Variants in CDH7 observed in about 807,000 individuals in gnomAD.
CDH7 encodes cadherin-7.
CDH7 carries 25 observed loss-of-function variants against 71.8 expected under a neutral mutation model. The ratio of observed to expected loss-of-function variants is 0.35; its 90% CI spans 0.25 to 0.49. The LOEUF is 0.49. CDH7 is among the 20% of genes least tolerant of loss of function. CDH7 has a pLI of 0.99. For synonymous variants in CDH7, 381 were observed against 363.8 expected (o/e 1.05, Z -0.54); for missense variants, 862 against 974.6 (o/e 0.88, Z 1.54).
At chr18:65,811,508 A>T (rs149411336) in intron 3 of CDH7, among the ~76,000 whole-genome samples, 7 of 152,264 alleles carry the variant, frequency 4.6e-5, no homozygotes, top group African/African-American at 1.2e-4. Context: ...GTGACCAAAC[A>T]GGTGTATTCA....
At chr18:65,834,447 G>A (rs1239109087) in intron 6 of CDH7, among the ~76,000 whole-genome samples, 1 of 152,156 alleles carries the variant, frequency 6.6e-6, no homozygotes, top group Non-Finnish European at 1.5e-5. Context: ...TGAAAAGAAG[G>A]CTTTAGACAT....
At chr18:65,867,772 C>T (rs1325293072) in intron 11 of CDH7, among the ~76,000 whole-genome samples, 1 of 152,144 alleles carries the variant, frequency 6.6e-6, no homozygotes, top group East Asian at 1.9e-4. Flanking sequence ...CAGCTCTTTG[C>T]TCTTCTGACA....
chr18:65,818,963 A>T (rs12457750), intron 4 of CDH7, among the ~76,000 whole-genome samples: 92,262 of 151,828 alleles, frequency 0.61, 29,548 homozygotes, highest in East Asian at 0.96. Context: ...GGTAGGAGAG[A>T]CCAGCAGGAC....
chr18:65,858,986 C>A lies in CDH7; in HGVS notation c.1434C>A (p.Asn478Lys). 6.2e-7 allele frequency: 1 copy of A among 1,612,536 alleles called. No homozygotes were observed. The highest frequency in any genetic ancestry group is 8.5e-7 in the Non-Finnish European group (1 of 1,178,702). ...VAITILDIND[N>K]APEFAMDYET... is the part of the protein sequence containing the mutation. ...TCACTATACTTGACATCAATGATAA[C>A]GCCCCTGAATTTGCCATGGACTATG... The change falls in exon 9 of 12, where the codon AAC becomes AAA. Residue 478 changes from asparagine (N) to lysine (K), a missense_variant. Transcript: ENST00000397968.
chr18:65,760,080 C>T (rs1329092022), intron 1 of CDH7, among the ~76,000 whole-genome samples: 1 of 152,102 alleles, frequency 6.6e-6, no homozygotes, highest in Admixed American at 6.5e-5. Flanking sequence ...CCAATGAAAA[C>T]TAACATCAAC....
At position 65,762,876 on chromosome 18, in the gene CDH7, C is replaced by T. The variant is rs1288030906; in HGVS notation, c.34C>T (p.Leu12=). The change falls in exon 2 of 12, where the codon CTG becomes TTG. Residue 12 remains leucine, a synonymous_variant. Coordinates refer to ENST00000397968, the MANE Select transcript of CDH7 (RefSeq NM_004361.5). The part of the protein sequence containing the change: ...KLGKVEFCHF[L]QLIALFLCFS... ...GGGCAAAGTGGAGTTCTGCCATTTTCTGCAGCTAATAGCTCTTTTCCTGTG... is the reference window on the plus strand; with the variant it reads ...GGGCAAAGTGGAGTTCTGCCATTTTTTGCAGCTAATAGCTCTTTTCCTGTG... 3.1e-6 allele frequency: 5 copies of T among 1,612,484 alleles called. No homozygotes were observed. The East Asian group carries it at 1.1e-4, about 36-fold the overall frequency.
chr18:65,762,860 G>T lies in CDH7; in HGVS notation c.18G>T (p.Val6=). ...AAAAAAAGATGAAGTTGGGCAAAGTGGAGTTCTGCCATTTTCTGCAGCTAA... is the reference window on the plus strand; with the variant it reads ...AAAAAAAGATGAAGTTGGGCAAAGTTGAGTTCTGCCATTTTCTGCAGCTAA... MKLGK[V]EFCHFLQLIA... Residue 6 remains valine (V), a synonymous_variant, in exon 2 of 12, where the codon GTG becomes GTT. Transcript: ENST00000397968. 6.2e-7 allele frequency: 1 copy of T among 1,611,942 alleles called. No homozygotes were observed. The highest frequency in any genetic ancestry group is 8.5e-7 in the Non-Finnish European group (1 of 1,179,200).
At chr18:65,784,380 G>A (rs112297013) in intron 2 of CDH7, among the ~76,000 whole-genome samples, 1,586 of 152,200 alleles carry the variant, frequency 0.01, 30 homozygotes, top group African/African-American at 0.036. Context: ...AACAGCAAGA[G>A]CACAGACTCT....
chr18:65,822,322 CT>C (rs920607515), intron 5 of CDH7, 74 bp downstream of exon 5: 2 of 1,214,318 alleles, frequency 1.6e-6, no homozygotes, highest in Non-Finnish European at 1.2e-6. Context: ...TTTAAAATGA[CT>C]TTTTTTCAAA....
chr18:65,825,134 T>G (rs1222307058), intron 6 of CDH7, among the ~76,000 whole-genome samples: 2 of 151,938 alleles, frequency 1.3e-5, no homozygotes. Context: ...AATATGTTTC[T>G]GCCTTGACTA....
chr18:65,855,943 A>C (rs918096569), intron 7 of CDH7, among the ~76,000 whole-genome samples: 7 of 152,152 alleles, frequency 4.6e-5, no homozygotes, highest in Non-Finnish European at 7.3e-5. Flanking sequence ...AAGTTCATCA[A>C]TATAATGCAT....
Position 65,809,914 on chromosome 18 carries a change from A to G in CDH7, c.421A>G (p.Ile141Val). The G allele has an allele frequency of 6.2e-7, 1 of 1,614,132 alleles. No individual in the cohort carries two copies. The highest frequency in any genetic ancestry group is 1.1e-5 in the South Asian group (1 of 91,082). ...CGTGGAGCCCGAGTCGGAGTTTGTC[A>G]TCAAAATTCAGGATATCAACGACAA... ...KPVEPESEFV[I>V]KIQDINDNEP... The change falls in exon 3 of 12, where the codon ATC becomes GTC. Residue 141 changes from isoleucine (I) to valine (V), a missense_variant. Coordinates refer to ENST00000397968, the MANE Select transcript of CDH7 (RefSeq NM_004361.5).
At chr18:65,858,786 T>A in intron 8 of CDH7, 139 bp from the exon 9 acceptor site, 1 of 674,602 alleles carries the variant, frequency 1.5e-6, no homozygotes, top group Non-Finnish European at 2.5e-6. Context: ...TTGGATCATA[T>A]TTTCGTATTT....
chr18:65,815,752 A>G (rs1162379852), intron 4 of CDH7, among the ~76,000 whole-genome samples: 1 of 152,198 alleles, frequency 6.6e-6, no homozygotes, highest in African/African-American at 2.4e-5. Context: ...GAAGTAAATG[A>G]AAGTATTTGA....
At chr18:65,836,061 A>G (rs761214590) in intron 6 of CDH7, among the ~76,000 whole-genome samples, 8 of 152,322 alleles carry the variant, frequency 5.3e-5, no homozygotes, top group Admixed American at 2.0e-4. Context: ...GGAGGAGGCT[A>G]TGAGCCAAGA....
intron 6 of CDH7, among the ~76,000 whole-genome samples, chr18:65,831,839 T>A (rs1169956831): frequency 6.6e-6 from 1 of 152,012 alleles, no homozygotes; most frequent in Non-Finnish European, 1.5e-5. Context: ...TTGGCCTCCT[T>A]TTATTACCCC....
chr18:65,787,599 A>C (rs1910562249), intron 2 of CDH7, among the ~76,000 whole-genome samples: 1 of 152,186 alleles, frequency 6.6e-6, no homozygotes, highest in South Asian at 2.1e-4. Flanking sequence ...TTTGATTTTA[A>C]ATTCTACACA....
At chr18:65,766,706 G>A (rs2143797043) in intron 2 of CDH7, among the ~76,000 whole-genome samples, 1 of 151,808 alleles carries the variant, frequency 6.6e-6, no homozygotes, top group East Asian at 1.9e-4. Flanking sequence ...ATGGGGAGAA[G>A]GAAGGGGGGA....
Position 65,762,702 on chromosome 18 carries a change from A to G in CDH7, c.-141A>G. Reference sequence around the variant, plus strand: ...TATTCAGCAGTGGTGACCTCTTCCAATCCAACACTCTACAGATTATTATCT... The same window carrying G: ...TATTCAGCAGTGGTGACCTCTTCCAGTCCAACACTCTACAGATTATTATCT... On this transcript the variant is annotated 5_prime_UTR_variant, in exon 2 of 12. Coordinates refer to ENST00000397968, the MANE Select transcript of CDH7 (RefSeq NM_004361.5). 1 of 653,758 alleles carries G rather than the reference A, an allele frequency of 1.5e-6. No individual in the cohort carries two copies. The highest frequency in any genetic ancestry group is 2.6e-6 in the Non-Finnish European group (1 of 385,176). 40.5% of individuals were successfully genotyped at this position (653,758 alleles called of 1,614,324 possible). A position where few individuals can be genotyped will look rare whatever the true frequency, so the allele number is the denominator to read the frequency against.
Sources: allele counts gnomAD v4.1 joint callset (sites outside exome capture counted in the v4.1 genomes callset), GRCh38; gene constraint gnomAD v4.1.1; transcripts MANE v1.5; gene names NCBI Gene and HGNC (gene_info 2026-07-23, HGNC 2026-07-21).